The following PYROXD1 variants were observed in gnomAD, a reference collection of about 807,000 sequenced individuals.
PYROXD1 encodes the protein pyridine nucleotide-disulphide oxidoreductase domain 1.
PYROXD1 carries 42 observed loss-of-function variants against 62.0 expected under a neutral mutation model. The ratio of observed to expected loss-of-function variants is 0.68; its 90% CI spans 0.53 to 0.88. The LOEUF is 0.88. Among genes scored for constraint, PYROXD1 ranks in the 40% least tolerant of loss-of-function variants. PYROXD1 has a pLI of 0.00. For missense variants in PYROXD1, 493 were observed against 604.8 expected, an observed-to-expected ratio of 0.82 and a Z score of 1.94; for synonymous variants, 170 against 206.4, an observed-to-expected ratio of 0.82 and a Z score of 1.51.
At position 21,442,979 on chromosome 12, in the gene PYROXD1, C is replaced by G. The variant is rs189785648; in HGVS notation, c.166-2368C>G. ...ATTGTTTAATGGGCCGTTGAGCCCTCTTTGGGCTATTTTGGCTTGTGAAGA... is the reference window on the plus strand; with the variant it reads ...ATTGTTTAATGGGCCGTTGAGCCCTGTTTGGGCTATTTTGGCTTGTGAAGA... On this transcript the variant is annotated intron_variant, in intron 2 of 11. Coordinates refer to ENST00000240651, the MANE Select transcript of PYROXD1 (RefSeq NM_024854.5). 3.3e-5 allele frequency among the ~76,000 whole-genome samples: 5 copies of G among 151,806 alleles called. No individual in the cohort carries two copies. The East Asian group carries it at 9.7e-4, about 30-fold the overall frequency.
At chr12:21,437,951 C>T in intron 1 of PYROXD1, 137 bp downstream of exon 1, 1 of 779,792 alleles carries the variant, frequency 1.3e-6, no homozygotes, top group South Asian at 1.8e-5. Context: ...CTTATTGCTC[C>T]CAGATTTTAG....
intron 4 of PYROXD1, among the ~76,000 whole-genome samples, chr12:21,451,693 T>C (rs886312249): frequency 6.0e-5 from 7 of 116,918 alleles, no homozygotes; most frequent in African/African-American, 1.9e-4. Flanking sequence ...TTCTCATTCC[T>C]AGAAGTTTTA....
chr12:21,470,075 AT>A lies in PYROXD1; in HGVS notation c.*1322del, dbSNP rs1227229356. The A allele has an allele frequency of 1.4e-6, 1 of 698,270 alleles. No homozygotes were observed. The highest frequency in any genetic ancestry group is 2.3e-6 in the Non-Finnish European group (1 of 439,480). The allele number at this position is 698,270 out of a possible 1,614,324, so 43.3% of individuals were successfully genotyped here. On this transcript the variant is annotated 3_prime_UTR_variant, in exon 12 of 12. Transcript: ENST00000240651. ...ATCTTCAGAGATAAGCTCTGAAAATATAGATCCATACATATAAAATATCTAT... is the reference window on the plus strand; with the variant it reads ...ATCTTCAGAGATAAGCTCTGAAAATAAGATCCATACATATAAAATATCTAT...
chr12:21,464,175 A>G (rs1942749514), intron 10 of PYROXD1, among the ~76,000 whole-genome samples: 1 of 151,218 alleles, frequency 6.6e-6, no homozygotes, highest in Non-Finnish European at 1.5e-5. Context: ...TCTAGGGTAA[A>G]TTATATCTTA....
intron 1 of PYROXD1, 29 bp downstream of exon 1, chr12:21,437,843 C>T: frequency 6.3e-7 from 1 of 1,595,142 alleles, no homozygotes; most frequent in East Asian, 2.3e-5. Context: ...GGTTCCGCCT[C>T]TTTCCCCGAC....
rs1032873081 is a variant in PYROXD1 at position 21,469,848 on chromosome 12, T to C, written c.*1094T>C. 2 of 194,096 alleles carry C rather than the reference T, an allele frequency of 1.0e-5. No homozygotes were observed. The highest frequency in any genetic ancestry group is 8.8e-5 in the South Asian group (1 of 11,346). 12.0% of individuals were successfully genotyped at this position (194,096 alleles called of 1,614,324 possible). A position where few individuals can be genotyped will look rare whatever the true frequency, so the allele number is the denominator to read the frequency against. ...ACTCAGTGAGCCTCTGTCAGTATAA[T>C]ATTGCTTTCAAAAAGATAGTTATGT... is the stretch of plus-strand genomic sequence containing the variant. On this transcript the variant is annotated 3_prime_UTR_variant, in exon 12 of 12. Coordinates refer to ENST00000240651, the MANE Select transcript of PYROXD1 (RefSeq NM_024854.5).
At chr12:21,441,480 C>T (rs906221926) in intron 2 of PYROXD1, among the ~76,000 whole-genome samples, 1 of 152,022 alleles carries the variant, frequency 6.6e-6, no homozygotes, top group African/African-American at 2.4e-5. Flanking sequence ...TCTTCTTCTT[C>T]CCTTCTGACT....
At chr12:21,446,286 G>C (rs1431502518) in intron 3 of PYROXD1, among the ~76,000 whole-genome samples, 1 of 150,768 alleles carries the variant, frequency 6.6e-6, no homozygotes, top group African/African-American at 2.4e-5. Context: ...AGCCGGGTGT[G>C]GTGGCGTGCA....
intron 1 of PYROXD1, 127 bp downstream of exon 1, chr12:21,437,941 C>T (rs903929928): frequency 3.1e-5 from 25 of 806,138 alleles, no homozygotes; most frequent in Non-Finnish European, 4.2e-5. Flanking sequence ...CTTTTCCGCA[C>T]TTATTGCTCC....
chr12:21,450,782 C>T (rs576128629), intron 4 of PYROXD1, among the ~76,000 whole-genome samples: 42 of 152,240 alleles, frequency 2.8e-4, no homozygotes, highest in African/African-American at 9.9e-4. Flanking sequence ...AATTTAAGTT[C>T]ATATTATCAG....
chr12:21,468,863 ACAG>A lies in PYROXD1; in HGVS notation c.*110_*112del. On this transcript the variant is annotated 3_prime_UTR_variant, in exon 12 of 12. Transcript: ENST00000240651. ...GTTAATGATGACCACACTGAAAATT[ACAG>A]AAGTGATAATGATATTAGTGGAAAA... 1 of 985,610 alleles carries A rather than the reference ACAG, an allele frequency of 1.0e-6. No homozygotes were observed. The highest frequency in any genetic ancestry group is 1.5e-6 in the Non-Finnish European group (1 of 678,958). The allele number at this position is 985,610 out of a possible 1,614,324, so 61.1% of individuals were successfully genotyped here.
intron 2 of PYROXD1, among the ~76,000 whole-genome samples, chr12:21,445,068 T>C (rs1320606882): frequency 6.6e-6 from 1 of 152,158 alleles, no homozygotes; most frequent in African/African-American, 2.4e-5. Context: ...ACTGTAGAAA[T>C]GTAAGTGGTG....
intron 5 of PYROXD1, among the ~76,000 whole-genome samples, chr12:21,453,879 C>G (rs983481360): frequency 1.3e-5 from 2 of 151,948 alleles, no homozygotes; most frequent in Non-Finnish European, 1.5e-5. Flanking sequence ...AAAAAGAAAG[C>G]ATTACATGAT....
At chr12:21,458,055 G>C (rs1421141405) in intron 7 of PYROXD1, among the ~76,000 whole-genome samples, 1 of 152,186 alleles carries the variant, frequency 6.6e-6, no homozygotes, top group Admixed American at 6.5e-5. Context: ...AGGAGAGTCT[G>C]CCTGTCCTTT....
chr12:21,467,519 T>C lies in PYROXD1; in HGVS notation c.1155T>C (p.Tyr385=), dbSNP rs1942821068. Residue 385 remains tyrosine, a synonymous_variant, in exon 11 of 12, where the codon TAT becomes TAC. Transcript: ENST00000240651. ...CCCAGGCTAGACAGATGGGATGGTA[T>C]GCAGCAAAGTGCATGGCTGCAGCGA... ...LWTQARQMGW[Y]AAKCMAAASS... 1 of 1,611,884 alleles carries C rather than the reference T, an allele frequency of 6.2e-7. No homozygotes were observed. The highest frequency in any genetic ancestry group is 1.8e-4 in the Middle Eastern group (1 of 5,622).
At chr12:21,461,966 T>C (rs1024661582) in intron 8 of PYROXD1, 42 bp from the exon 9 acceptor site, 4 of 1,251,040 alleles carry the variant, frequency 3.2e-6, no homozygotes, top group Admixed American at 3.5e-5. Flanking sequence ...GATGGTTCCA[T>C]TTACAAATAA....
chr12:21,468,639 G>A lies in PYROXD1; in HGVS notation c.1388G>A (p.Gly463Asp), dbSNP rs1156897820. The change falls in exon 12 of 12, where the codon GGT becomes GAT. Residue 463 changes from glycine to aspartate, a missense_variant. Physicochemically the swap from Gly to Asp is moderately conservative, Grantham distance 94. Coordinates refer to ENST00000240651, the MANE Select transcript of PYROXD1 (RefSeq NM_024854.5). ...CGAATGATGGGAGCTGTCTTAATTG[G>A]TGAAACCGATTTAGAAGAAACATTT... is the stretch of plus-strand genomic sequence containing the variant. Reference protein sequence around the residue: ...NGRMMGAVLIGETDLEETFEN... With the variant: ...NGRMMGAVLIDETDLEETFEN... The A allele has an allele frequency of 2.5e-6, 4 of 1,612,938 alleles. No homozygotes were observed. Among genetic ancestry groups the A allele is most frequent in the African/African-American group, 1.3e-5 (1 of 74,974 alleles).
intron 7 of PYROXD1, among the ~76,000 whole-genome samples, chr12:21,460,400 A>T (rs1476333105): frequency 6.7e-6 from 1 of 148,280 alleles, no homozygotes; most frequent in African/African-American, 2.5e-5. Flanking sequence ...TTAAATTTTT[A>T]TTTATTTATT....
At position 21,470,077 on chromosome 12, in the gene PYROXD1, A is replaced by G; in HGVS notation, c.*1323A>G. The G allele has an allele frequency of 1.4e-6, 1 of 703,948 alleles. No individual in the cohort carries two copies. The highest frequency in any genetic ancestry group is 1.8e-5 in the African/African-American group (1 of 54,220). 43.6% of individuals were successfully genotyped at this position (703,948 alleles called of 1,614,324 possible). On this transcript the variant is annotated 3_prime_UTR_variant, in exon 12 of 12. Transcript: ENST00000240651. The stretch of plus-strand genomic sequence containing the variant: ...CTTCAGAGATAAGCTCTGAAAATAT[A>G]GATCCATACATATAAAATATCTATG...
Sources: gnomAD v4.1 joint callset for allele counts (sites outside exome capture counted in the v4.1 genomes callset) on GRCh38, gnomAD v4.1.1 for gene constraint, MANE v1.5 for transcripts, NCBI Gene and HGNC (gene_info 2026-07-23, HGNC 2026-07-21) for gene names.